ADD2: variants seen among roughly 807,000 people sequenced by gnomAD.
ADD2 encodes the protein beta-adducin.
A neutral mutation model predicts 83.0 loss-of-function variants in ADD2; 23 were observed. The observed-to-expected ratio is 0.28, with a 90% CI of 0.20 to 0.39. ADD2 has a LOEUF of 0.39. Among genes scored for constraint, ADD2 ranks in the 10% least tolerant of loss-of-function variants. The pLI is 1.00. For missense variants in ADD2, 758 were observed against 944.9 expected (o/e 0.80, Z 2.59); for synonymous variants, 375 against 375.4 (o/e 1.00, Z 0.01).
At chr2:70,720,255 G>A (rs925562862) in intron 1 of ADD2, among the ~76,000 whole-genome samples, 5 of 152,150 alleles carry the variant, frequency 3.3e-5, no homozygotes, top group Admixed American at 2.0e-4. Flanking sequence ...GTGCTGGTGT[G>A]GAGGAGGGGA....
intron 1 of ADD2, among the ~76,000 whole-genome samples, chr2:70,761,958 C>A (rs367716093): frequency 1.3e-5 from 2 of 151,712 alleles, no homozygotes; most frequent in East Asian, 1.9e-4. Flanking sequence ...CGTGAGCCAC[C>A]GCGCCTGGCC....
In ADD2 at chr2:70,663,670, C is replaced by G. The variant is rs560319503; in HGVS notation, c.1936G>C (p.Gly646Arg). ...TCCTCCCTCCCGTTGACCACCACCC[C>G]TTCCGGCTGGGTTGTTTCGGGCTCT... ...TTEPETTQPE[G>R]VVVNGREEEQ... The change falls in exon 16 of 16, where the codon GGG becomes CGG. Residue 646 changes from glycine (G) to arginine (R), a missense_variant. Coordinates refer to ENST00000264436, the MANE Select transcript of ADD2 (RefSeq NM_001617.4). The G allele has an allele frequency of 6.2e-7, 1 of 1,614,164 alleles. No individual in the cohort carries two copies. Among genetic ancestry groups the G allele is most frequent in the African/African-American group, 1.3e-5 (1 of 75,016 alleles).
intron 1 of ADD2, among the ~76,000 whole-genome samples, chr2:70,746,699 T>C (rs1266298549): frequency 6.6e-6 from 1 of 152,178 alleles, no homozygotes; most frequent in Non-Finnish European, 1.5e-5. Flanking sequence ...TTGTCAGCTG[T>C]GTAGCCCTAG....
rs112960089 is a variant in ADD2, at chr2:70,698,480, C to T, written c.323-2084G>A. ...AATGAGTACAAAAACACAGACAGACCGAATAAGTTCTAGAATTTGAAAGTA... is the reference window on the plus strand; with the variant it reads ...AATGAGTACAAAAACACAGACAGACTGAATAAGTTCTAGAATTTGAAAGTA... On this transcript the variant is annotated intron_variant, in intron 4 of 15. Transcript: ENST00000264436. Among the ~76,000 whole-genome samples the T allele has an allele frequency of 5.3e-3, 802 of 152,154 alleles. 9 individuals carry two copies. The highest frequency in any genetic ancestry group is 0.018 in the African/African-American group (751 of 41,474).
At chr2:70,677,141 A>G (rs762793342) in intron 12 of ADD2, among the ~76,000 whole-genome samples, 1 of 152,150 alleles carries the variant, frequency 6.6e-6, no homozygotes, top group Non-Finnish European at 1.5e-5. Flanking sequence ...AAAATGAGGC[A>G]TAGTTGATCC....
At position 70,691,016 on chromosome 2, in the gene ADD2, AGTGAGGG is replaced by A. The variant is rs1325174648; in HGVS notation, c.706-94_706-88del. Reference sequence around the variant, plus strand: ...ACAGTCCAGCTCTACTCTGGGGGCCAGTGAGGGGTGAGGGGTGAGGAGTGAGGGGTGA... The same window carrying A: ...ACAGTCCAGCTCTACTCTGGGGGCCAGTGAGGGGTGAGGAGTGAGGGGTGA... On this transcript the variant is annotated intron_variant, in intron 7 of 15. Coordinates refer to ENST00000264436, the MANE Select transcript of ADD2 (RefSeq NM_001617.4). The A allele has an allele frequency of 3.1e-5, 45 of 1,468,806 alleles. No homozygotes were observed. The South Asian group carries it at 4.3e-4, about 14-fold the overall frequency. The allele number at this position is 1,468,806 out of a possible 1,614,324, so 91.0% of individuals were successfully genotyped here. A position where few individuals can be genotyped will look rare whatever the true frequency, so the allele number is the denominator to read the frequency against.
intron 2 of ADD2, among the ~76,000 whole-genome samples, chr2:70,712,058 A>G (rs528904708): frequency 7.9e-5 from 12 of 152,320 alleles, no homozygotes; most frequent in Admixed American, 5.2e-4. Flanking sequence ...AATTGGTGAC[A>G]TAATATTACC....
chr2:70,728,622 G>A (rs188389954), intron 1 of ADD2, among the ~76,000 whole-genome samples: 130 of 152,336 alleles, frequency 8.5e-4, no homozygotes, highest in Non-Finnish European at 6.5e-4. Flanking sequence ...AACATGCTAT[G>A]GACATTGCCC....
At chr2:70,760,269 C>T (rs2104557554) in intron 1 of ADD2, among the ~76,000 whole-genome samples, 1 of 152,288 alleles carries the variant, frequency 6.6e-6, no homozygotes, top group South Asian at 2.1e-4. Context: ...AGCCATGACA[C>T]ATGCATACGT....
chr2:70,767,889 C>T lies in ADD2; in HGVS notation c.-157G>A. 1 of 1,535,988 alleles carries T rather than the reference C, an allele frequency of 6.5e-7. No homozygotes were observed. Among genetic ancestry groups the T allele is most frequent in the Non-Finnish European group, 8.7e-7 (1 of 1,146,810 alleles). ...GGCCCGCTCCCCAGACCCTTACCTC[C>T]TGCGCGGCATCTTAGCTATCTCCGG... On this transcript the variant is annotated 5_prime_UTR_variant, in exon 1 of 16. Transcript: ENST00000264436.
intron 4 of ADD2, among the ~76,000 whole-genome samples, chr2:70,699,961 C>T (rs1280103751): frequency 6.6e-6 from 1 of 152,096 alleles, no homozygotes; most frequent in Non-Finnish European, 1.5e-5. Context: ...TTTAATAGGT[C>T]ATTTTATATG....
At chr2:70,736,134 G>A (rs1178381114) in intron 1 of ADD2, among the ~76,000 whole-genome samples, 5 of 152,218 alleles carry the variant, frequency 3.3e-5, no homozygotes, top group Admixed American at 2.6e-4. Context: ...GGGGTGGGGG[G>A]CAGAAAGGCT....
At chr2:70,738,514 C>T (rs918217007) in intron 1 of ADD2, among the ~76,000 whole-genome samples, 3 of 152,164 alleles carry the variant, frequency 2.0e-5, no homozygotes, top group Non-Finnish European at 2.9e-5. Flanking sequence ...CCTCCTAGCT[C>T]AGGGTCTGTA....
intron 1 of ADD2, among the ~76,000 whole-genome samples, chr2:70,764,825 A>G (rs1558588673): frequency 6.6e-6 from 1 of 151,834 alleles, no homozygotes; most frequent in East Asian, 1.9e-4. Context: ...AAAAAAGATT[A>G]TCACTGGAAT....
rs144423262 is a variant in ADD2, at chr2:70,704,334, C to T, written c.309G>A (p.Pro103=). The change falls in exon 4 of 16, where the codon CCG becomes CCA. Residue 103 remains proline (P), a synonymous_variant. Transcript: ENST00000264436. ...FMASTSHAVF[P]TSSMNVSMMT... Reference sequence around the variant, plus strand: ...GACACCACATACTCATGGAAGATGTCGGGAAGACTGCGTGGGAGGTGCTGG... The same window carrying T: ...GACACCACATACTCATGGAAGATGTTGGGAAGACTGCGTGGGAGGTGCTGG... 93 of 1,386,556 alleles carry T rather than the reference C, an allele frequency of 6.7e-5. No individual in the cohort carries two copies. Among genetic ancestry groups the T allele is most frequent in the Admixed American group, 9.9e-5 (5 of 50,740 alleles). The allele number at this position is 1,386,556 out of a possible 1,614,324, so 85.9% of individuals were successfully genotyped here.
chr2:70,734,594 G>A (rs553662784), intron 1 of ADD2, among the ~76,000 whole-genome samples: 2 of 152,322 alleles, frequency 1.3e-5, no homozygotes, highest in Non-Finnish European at 2.9e-5. Flanking sequence ...AACTGAAATG[G>A]AAGAAAGACA....
In ADD2 at chr2:70,678,693, C is replaced by T; in HGVS notation, c.1383+11G>A. 6.5e-7 allele frequency: 1 copy of T among 1,544,310 alleles called. No individual in the cohort carries two copies. The highest frequency in any genetic ancestry group is 2.3e-5 in the East Asian group (1 of 44,358). On this transcript the variant is annotated intron_variant, in intron 11 of 15. Transcript: ENST00000264436. Reference sequence around the variant, plus strand: ...CCTCTCTGCCCGGGTCTGTCCTGGGCTCCCCCTTACCGTGGTCTTGGGTCG... The same window carrying T: ...CCTCTCTGCCCGGGTCTGTCCTGGGTTCCCCCTTACCGTGGTCTTGGGTCG...
At chr2:70,740,759 G>A (rs1307766990) in intron 1 of ADD2, among the ~76,000 whole-genome samples, 1 of 151,992 alleles carries the variant, frequency 6.6e-6, no homozygotes, top group Non-Finnish European at 1.5e-5. Context: ...GAGTACACTG[G>A]CACAATCACA....
At chr2:70,729,765 A>ACGTCT (rs1673189604) in intron 1 of ADD2, among the ~76,000 whole-genome samples, 1 of 152,216 alleles carries the variant, frequency 6.6e-6, no homozygotes. Context: ...ACCCCCTTGG[A>ACGTCT]CCATCAGAAA....
Sources: allele counts gnomAD v4.1 joint callset (sites outside exome capture counted in the v4.1 genomes callset), GRCh38; gene constraint gnomAD v4.1.1; transcripts MANE v1.5; gene names NCBI Gene and HGNC (gene_info 2026-07-23, HGNC 2026-07-21).